The following MYRFL variants were observed in gnomAD, a reference collection of about 807,000 sequenced individuals.
The protein encoded by MYRFL is myelin regulatory factor-like protein.
In MYRFL, 88 loss-of-function variants were observed where a neutral mutation model predicts 109.4. The ratio of observed to expected loss-of-function variants is 0.80; its 90% CI spans 0.68 to 0.96. The LOEUF (loss-of-function observed/expected upper bound fraction) is 0.96. Among genes scored for constraint, MYRFL ranks in the 40% least tolerant of loss-of-function variants. The probability of loss-of-function intolerance (pLI) is 0.00; values close to 1 mark genes in which losing one functional copy is unlikely to be tolerated. For missense variants in MYRFL, 957 were observed against 954.9 expected, an observed-to-expected ratio of 1.00 and a Z score of -0.03; for synonymous variants, 324 against 320.9, an observed-to-expected ratio of 1.01 and a Z score of -0.10.
chr12:69,830,483 C>CTATA (rs145145377), intron 1 of MYRFL, among the ~76,000 whole-genome samples: 40 of 147,754 alleles, frequency 2.7e-4, no homozygotes, highest in Admixed American at 5.4e-4. Flanking sequence ...ATAGAGATAT[C>CTATA]TATATATATA....
intron 19 of MYRFL, among the ~76,000 whole-genome samples, chr12:69,942,922 C>T (rs1955708083): frequency 6.6e-6 from 1 of 152,040 alleles, no homozygotes; most frequent in South Asian, 2.1e-4. Flanking sequence ...TGAGTGAACT[C>T]CCATTCACAA....
intron 13 of MYRFL, among the ~76,000 whole-genome samples, chr12:69,914,815 G>A (rs577261848): frequency 6.6e-6 from 1 of 152,290 alleles, no homozygotes; most frequent in East Asian, 1.9e-4. Flanking sequence ...TTATAAATTG[G>A]TAAAACTCAC....
intron 1 of MYRFL, among the ~76,000 whole-genome samples, chr12:69,836,183 G>C (rs1157955573): frequency 6.6e-6 from 1 of 152,234 alleles, no homozygotes; most frequent in Admixed American, 6.5e-5. Context: ...TCAGGGGCTA[G>C]CCGGCATGCC....
chr12:69,854,840 T>C (rs1884172048), intron 1 of MYRFL, among the ~76,000 whole-genome samples: 1 of 152,254 alleles, frequency 6.6e-6, no homozygotes, highest in Non-Finnish European at 1.5e-5. Context: ...TTATCAGTTG[T>C]ATAGCGTCAT....
intron 20 of MYRFL, 135 bp from the exon 21 acceptor site, chr12:69,952,664 T>C (rs192614814): frequency 9.6e-6 from 6 of 623,762 alleles, no homozygotes; most frequent in Admixed American, 6.9e-5. Context: ...TGTTTTCCAT[T>C]TGAATACAAA....
chr12:69,895,285 G>A, intron 8 of MYRFL, 86 bp from the exon 9 acceptor site: 1 of 987,320 alleles, frequency 1.0e-6, no homozygotes, highest in Non-Finnish European at 1.5e-6. Context: ...AAGCATAGAT[G>A]AGAGTCTGAA....
intron 22 of MYRFL, among the ~76,000 whole-genome samples, chr12:69,957,221 A>C (rs1377109478): frequency 6.6e-6 from 1 of 152,066 alleles, no homozygotes; most frequent in Non-Finnish European, 1.5e-5. Context: ...TTCTGGTAGG[A>C]CTCACTCCCA....
chr12:69,830,619 G>A (rs1882574369), intron 1 of MYRFL, among the ~76,000 whole-genome samples: 1 of 151,858 alleles, frequency 6.6e-6, no homozygotes, highest in Non-Finnish European at 1.5e-5. Context: ...GCCAAAGACA[G>A]GAAGAACCAG....
chr12:69,892,350 C>T (rs187666548), intron 7 of MYRFL, among the ~76,000 whole-genome samples: 70 of 152,296 alleles, frequency 4.6e-4, no homozygotes, highest in Admixed American at 1.3e-3. Flanking sequence ...TAAATTGTAA[C>T]TTCATATCCA....
chr12:69,880,949 C>CCGTTTTTTTTTTTTTTTTTTTTTTTT (rs1379691821), intron 5 of MYRFL, among the ~76,000 whole-genome samples: 1 of 30,230 alleles, frequency 3.3e-5, no homozygotes, highest in Non-Finnish European at 7.3e-5. Flanking sequence ...GTCAGCCTTC[C>CCGTTTTTTTTTTTTTTTTTTTTTTTT]TGTTTTTTTT....
chr12:69,952,178 A>C lies in MYRFL; in HGVS notation c.2287+3A>C, dbSNP rs201251721. ...CGGCCCTGACTGGGAGAGTGACTGT[A>C]AGTTGACATTTAAGTGACACTATTC... On this transcript the variant is annotated splice_donor_region_variant and intron_variant, in intron 20 of 24. Coordinates refer to ENST00000552032, the MANE Select transcript of MYRFL (RefSeq NM_182530.3). 128 of 1,535,912 alleles carry C rather than the reference A, an allele frequency of 8.3e-5. No individual in the cohort carries two copies. In the Admixed American group the frequency reaches 1.4e-3, roughly 16 times the overall value.
intron 1 of MYRFL, among the ~76,000 whole-genome samples, chr12:69,852,207 G>A (rs1309152958): frequency 1.3e-5 from 2 of 152,106 alleles, no homozygotes; most frequent in South Asian, 4.1e-4. Flanking sequence ...ATGTGGGGTT[G>A]GCAGGCATCC....
intron 19 of MYRFL, among the ~76,000 whole-genome samples, chr12:69,944,609 C>T (rs1955773738): frequency 6.6e-6 from 1 of 151,184 alleles, no homozygotes; most frequent in Non-Finnish European, 1.5e-5. Flanking sequence ...GGGTGCAGCA[C>T]ACCAGCATGG....
rs1364080571 is a variant in MYRFL at position 69,958,239 on chromosome 12, C to G, written c.2572-10C>G. 6.5e-7 allele frequency: 1 copy of G among 1,530,190 alleles called. No individual in the cohort carries two copies. The allele number at this position is 1,530,190 out of a possible 1,614,324, so 94.8% of individuals were successfully genotyped here. A position where few individuals can be genotyped will look rare whatever the true frequency, so the allele number is the denominator to read the frequency against. On this transcript the variant is annotated splice_polypyrimidine_tract_variant and intron_variant, in intron 23 of 24. Coordinates refer to ENST00000552032, the MANE Select transcript of MYRFL (RefSeq NM_182530.3). The stretch of plus-strand genomic sequence containing the variant: ...TGTACGAAATGGATCCTCTTTTATT[C>G]ACTATTTAGGGATATCAGCACATTT...
chr12:69,899,954 A>C (rs1305215312), intron 10 of MYRFL, among the ~76,000 whole-genome samples: 1 of 152,144 alleles, frequency 6.6e-6, no homozygotes, highest in Non-Finnish European at 1.5e-5. Flanking sequence ...TCCCCTTGTT[A>C]ATGACTGGGC....
chr12:69,928,224 T>C (rs1419136393), intron 15 of MYRFL, among the ~76,000 whole-genome samples: 1 of 152,232 alleles, frequency 6.6e-6, no homozygotes, highest in Non-Finnish European at 1.5e-5. Flanking sequence ...ATGGTTTTAT[T>C]AGTGAATAAA....
At chr12:69,889,215 C>T (rs569741147) in intron 6 of MYRFL, among the ~76,000 whole-genome samples, 2 of 151,882 alleles carry the variant, frequency 1.3e-5, no homozygotes, top group Admixed American at 6.6e-5. Flanking sequence ...GAGCTTCTTT[C>T]TTGAGAAGAA....
chr12:69,858,158 C>T (rs1480698594), intron 2 of MYRFL, among the ~76,000 whole-genome samples: 1 of 151,400 alleles, frequency 6.6e-6, no homozygotes, highest in Non-Finnish European at 1.5e-5. Context: ...GATTACTTTG[C>T]TTAGTTTTTG....
intron 11 of MYRFL, among the ~76,000 whole-genome samples, chr12:69,908,300 C>G (rs1464328691): frequency 1.3e-5 from 2 of 152,176 alleles, no homozygotes; most frequent in Non-Finnish European, 2.9e-5. Context: ...GAAGTTGACA[C>G]AATTAGTTGT....
Sources: gnomAD v4.1 joint callset for allele counts (sites outside exome capture counted in the v4.1 genomes callset) on GRCh38, gnomAD v4.1.1 for gene constraint, MANE v1.5 for transcripts, NCBI Gene and HGNC (gene_info 2026-07-23, HGNC 2026-07-21) for gene names.